Variants in MUC4 observed in about 807,000 individuals in gnomAD.
MUC4 encodes the protein mucin-4.
A neutral mutation model predicts 257.9 loss-of-function variants in MUC4; 202 were observed. The observed-to-expected ratio is 0.78, with a 90% CI of 0.70 to 0.88. MUC4 has a LOEUF of 0.88. Ranked by LOEUF, MUC4 falls within the 40% of genes least tolerant of loss-of-function variation. The pLI is 0.00. For missense variants in MUC4, 5,976 were observed against 6,513.7 expected, an observed-to-expected ratio of 0.92 and a Z score of 2.84; for synonymous variants, 2,351 against 2,757.1, an observed-to-expected ratio of 0.85 and a Z score of 4.62.
intron 1 of MUC4, among the ~76,000 whole-genome samples, chr3:195,798,758 T>TA (rs1253808343): frequency 6.6e-6 from 1 of 152,196 alleles, no homozygotes; most frequent in Non-Finnish European, 1.5e-5. Flanking sequence ...TTATTCAGTA[T>TA]ACATAATTTT....
Position 195,765,112 on chromosome 3 carries a change from G to GT in MUC4, c.13808_13809insA (p.Leu4604ProfsTer4), listed in dbSNP as rs1160344060. On this transcript the variant is annotated frameshift_variant, in exon 10 of 25. Transcript: ENST00000463781. LOFTEE classifies it high-confidence loss of function. Reference sequence around the variant, plus strand: ...AGCTGCACAGCTGCCTACTGCCGAGGCCCCAGCGACCTGAAACAAGTCCAG... The same window carrying GT: ...AGCTGCACAGCTGCCTACTGCCGAGGTCCCCAGCGACCTGAAACAAGTCCAG... 1.1e-5 allele frequency: 17 copies of GT among 1,612,698 alleles called. No homozygotes were observed. Among genetic ancestry groups the GT allele is most frequent in the Non-Finnish European group, 1.4e-5 (17 of 1,179,298 alleles).
At chr3:195,758,842 A>G (rs1207595756) in intron 17 of MUC4, among the ~76,000 whole-genome samples, 1 of 151,100 alleles carries the variant, frequency 6.6e-6, no homozygotes, top group Non-Finnish European at 1.5e-5. Context: ...AAGCGCTGGG[A>G]TGACAGGCAT....
Position 195,781,912 on chromosome 3 carries a change from G to C in MUC4, c.9668C>G (p.Ser3223Cys). The C allele has an allele frequency of 1.1e-6, 1 of 929,900 alleles. No individual in the cohort carries two copies. 57.6% of individuals were successfully genotyped at this position (929,900 alleles called of 1,614,324 possible). A position where few individuals can be genotyped will look rare whatever the true frequency, so the allele number is the denominator to read the frequency against. The change falls in exon 2 of 25, where the codon TCC becomes TGC. Residue 3223 changes from serine (S) to cysteine (C), a missense_variant. Transcript: ENST00000463781. ...QATPLPVTSL[S>C]SVSTGDTTPL... is the part of the protein sequence containing the mutation. ...CGTGGTGTCACCTGTGGATACTGAG[G>C]AAAGGCTGGTGACAGGAAGAGGGGT...
chr3:195,794,084 AT>A (rs1263242343), intron 1 of MUC4, among the ~76,000 whole-genome samples: 2 of 140,288 alleles, frequency 1.4e-5, no homozygotes, highest in Non-Finnish European at 3.1e-5. Flanking sequence ...GTCTTAAAAA[AT>A]AAAAATAATA....
intron 3 of MUC4, among the ~76,000 whole-genome samples, chr3:195,776,504 C>T (rs1275624209): frequency 1.4e-4 from 2 of 14,444 alleles, no homozygotes; most frequent in Non-Finnish European, 1.2e-4. Context: ...ACCTTCCACA[C>T]CCATACCTTC....
chr3:195,768,896 G>T (rs1030825720), intron 7 of MUC4, 126 bp downstream of exon 7: 2 of 1,267,478 alleles, frequency 1.6e-6, no homozygotes, highest in South Asian at 1.6e-5. Context: ...TGGAGTCAGC[G>T]TGAGTCAGAA....
Position 195,785,537 on chromosome 3 carries a change from T to C in MUC4, c.6043A>G (p.Thr2015Ala), listed in dbSNP as rs1384956814. The part of the protein sequence containing the change: ...DTSSVSTGQA[T>A]PLPVTSLSSA... ...GAAAGGCTGGTGACAGGAAGAGGGGTGGCCTGTCCTGTAGATACTGAGGAA... is the reference window on the plus strand; with the variant it reads ...GAAAGGCTGGTGACAGGAAGAGGGGCGGCCTGTCCTGTAGATACTGAGGAA... Residue 2015 changes from threonine (T) to alanine (A), a missense_variant, in exon 2 of 25, where the codon ACC (threonine) becomes GCC (alanine). Around this residue, in one of 44 missense-constraint regions of MUC4, gnomAD observed 51 missense variants for 45.1 expected, o/e 1.13. Transcript: ENST00000463781. 6 of 1,514,888 alleles carry C rather than the reference T, an allele frequency of 4.0e-6. 2 individuals carry two copies. The highest frequency in any genetic ancestry group is 5.3e-6 in the Non-Finnish European group (6 of 1,127,400). The allele number at this position is 1,514,888 out of a possible 1,614,324, so 93.8% of individuals were successfully genotyped here.
intron 3 of MUC4, among the ~76,000 whole-genome samples, chr3:195,775,035 C>A (rs578249473): frequency 6.6e-6 from 1 of 152,172 alleles, no homozygotes; most frequent in South Asian, 2.1e-4. Flanking sequence ...CCAATTTAAC[C>A]TAGGACTCCC....
rs190375384 is a variant in MUC4, at chr3:195,760,930, G to T, written c.14802C>A (p.His4934Gln). The T allele has an allele frequency of 6.2e-6, 10 of 1,614,232 alleles. No individual in the cohort carries two copies. Among genetic ancestry groups the T allele is most frequent in the African/African-American group, 1.3e-5 (1 of 75,052 alleles). ...CGTAGTTTTTACTGACTTCCCTCGTGTGAAGTCCGATGCTTGCGTTGCGCA... is the reference window on the plus strand; with the variant it reads ...CGTAGTTTTTACTGACTTCCCTCGTTTGAAGTCCGATGCTTGCGTTGCGCA... ...LALRNASIGL[H>Q]TREVSKNYEQ... The change falls in exon 16 of 25, where the codon CAC becomes CAA. Residue 4934 changes from histidine (H) to glutamine (Q), a missense_variant. This residue lies in a region of MUC4 where 996 missense variants were observed against 1,137.3 expected (regional missense o/e 0.88). Transcript: ENST00000463781.
intron 13 of MUC4, among the ~76,000 whole-genome samples, chr3:195,762,641 G>GCGCCC (rs1719383580): frequency 6.7e-5 from 1 of 15,016 alleles, no homozygotes; most frequent in Non-Finnish European, 1.7e-4. Flanking sequence ...GCCACGCACC[G>GCGCCC]GGCCCTGCAC....
At chr3:195,805,653 T>A (rs541126407) in intron 1 of MUC4, among the ~76,000 whole-genome samples, 24 of 152,220 alleles carry the variant, frequency 1.6e-4, no homozygotes, top group African/African-American at 5.8e-4. Flanking sequence ...CCCACCACCA[T>A]CTCCTGCTAA....
intron 1 of MUC4, among the ~76,000 whole-genome samples, chr3:195,803,662 G>A (rs1007971121): frequency 8.5e-5 from 13 of 152,224 alleles, no homozygotes; most frequent in Admixed American, 7.8e-4. Flanking sequence ...CGGGGAAATC[G>A]AGATTCAGCG....
At chr3:195,750,050 G>A (rs1478752022) in intron 23 of MUC4, 3 of 152,274 alleles carry the variant, frequency 2.0e-5, no homozygotes, top group African/African-American at 7.2e-5. Flanking sequence ...GAGAGAGCGG[G>A]CTTAGCCTGG....
At chr3:195,764,220 G>A in intron 10 of MUC4, 56 bp from the exon 11 acceptor site, 1 of 1,544,040 alleles carries the variant, frequency 6.5e-7, no homozygotes, top group Non-Finnish European at 8.8e-7. Context: ...GCTTGGCAGG[G>A]CAGGGTGGTG....
In MUC4 at chr3:195,782,082, G is replaced by T; in HGVS notation, c.9498C>A (p.Ala3166=). Reference sequence around the variant, plus strand: ...AAAGGCTGGTGACAGGAAGAGGGGTGGCCTGACCTGTGGATGCTGAGGAAG... The same window carrying T: ...AAAGGCTGGTGACAGGAAGAGGGGTTGCCTGACCTGTGGATGCTGAGGAAG... ...TDTSSASTGQ[A]TPLPVTSLSS... Residue 3166 remains alanine (A), a synonymous_variant, in exon 2 of 25, where the codon GCC becomes GCA. Coordinates refer to ENST00000463781, the MANE Select transcript of MUC4 (RefSeq NM_018406.7). 1 of 1,382,770 alleles carries T rather than the reference G, an allele frequency of 7.2e-7. No individual in the cohort carries two copies. The highest frequency in any genetic ancestry group is 9.5e-7 in the Non-Finnish European group (1 of 1,047,180). The allele number at this position is 1,382,770 out of a possible 1,614,324, so 85.7% of individuals were successfully genotyped here. A position where few individuals can be genotyped will look rare whatever the true frequency, so the allele number is the denominator to read the frequency against.
chr3:195,790,029 G>A lies in MUC4; in HGVS notation c.1551C>T (p.Val517=). The stretch of plus-strand genomic sequence containing the variant: ...CTGTCCCTGTAGATGGATTTCCTGT[G>A]ACAAGCCTAGTGGCAGCACCTGTTG... ...STSTGAATRL[V]TGNPSTGTAG... The change falls in exon 2 of 25, where the codon GTC becomes GTT. Residue 517 remains valine (V), a synonymous_variant. Transcript: ENST00000463781. 6.2e-7 allele frequency: 1 copy of A among 1,614,038 alleles called. No individual in the cohort carries two copies. The highest frequency in any genetic ancestry group is 8.5e-7 in the Non-Finnish European group (1 of 1,179,888).
chr3:195,767,927 T>TCA (rs1721919417), intron 7 of MUC4, among the ~76,000 whole-genome samples: 1 of 56,046 alleles, frequency 1.8e-5, no homozygotes, highest in African/African-American at 8.3e-5. Context: ...CACTGCCACC[T>TCA]CCACCGCCAC....
chr3:195,802,108 CT>C (rs1735400204), intron 1 of MUC4, among the ~76,000 whole-genome samples: 1 of 152,212 alleles, frequency 6.6e-6, no homozygotes, highest in African/African-American at 2.4e-5. Context: ...TCCTGCCTAG[CT>C]CATGCAATGC....
intron 4 of MUC4, among the ~76,000 whole-genome samples, chr3:195,773,423 A>C (rs1723592609): frequency 7.1e-6 from 1 of 141,364 alleles, no homozygotes. Flanking sequence ...GGGGGTGGAA[A>C]CCTCTCTCTC....
Sources: allele counts gnomAD v4.1 joint callset (sites outside exome capture counted in the v4.1 genomes callset), GRCh38; gene constraint gnomAD v4.1.1; regional missense constraint gnomAD v4.1.1; transcripts MANE v1.5; gene names NCBI Gene and HGNC (gene_info 2026-07-23, HGNC 2026-07-21).